LAMC1: variants seen among roughly 807,000 people sequenced by gnomAD.
LAMC1 encodes laminin subunit gamma-1.
Under a neutral mutation model 173.6 loss-of-function variants are expected in LAMC1, and 38 were observed. The ratio of observed to expected loss-of-function variants is 0.22; its 90% CI spans 0.17 to 0.29. The LOEUF is 0.29. Among genes scored for constraint, LAMC1 ranks in the 10% least tolerant of loss-of-function variants. The pLI, the probability that LAMC1 is intolerant of heterozygous loss-of-function variation, is 1.00. For missense variants in LAMC1, 1,824 were observed against 2,051.8 expected, an observed-to-expected ratio of 0.89 and a Z score of 2.14; for synonymous variants, 746 against 749.1, an observed-to-expected ratio of 1.00 and a Z score of 0.07.
chr1:183,042,491 G>T (rs957155727), intron 1 of LAMC1, among the ~76,000 whole-genome samples: 5 of 152,158 alleles, frequency 3.3e-5, no homozygotes. Context: ...GTGATGGATG[G>T]GTTGGTGGGG....
At chr1:183,131,428 GGT>G (rs55951405) in intron 20 of LAMC1, 50 bp downstream of exon 20, 20,561 of 943,328 alleles carry the variant, frequency 0.022, 18 homozygotes, top group Middle Eastern at 0.04. Flanking sequence ...TCTGTTATGG[GGT>G]GTGTGTGTGT....
chr1:183,132,465 C>G lies in LAMC1; in HGVS notation c.3632C>G (p.Ala1211Gly), dbSNP rs555810781. 3 of 1,612,758 alleles carry G rather than the reference C, an allele frequency of 1.9e-6. No homozygotes were observed. The South Asian group carries it at 3.3e-5, about 18-fold the overall frequency. ...ACAGCCAATGATACGTCAACTGAGG[C>G]ATACAACCTGCTTCTGAGGACACTG... ...AKTANDTSTE[A>G]YNLLLRTLAG... The change falls in exon 21 of 28, where the codon GCA (alanine) becomes GGA (glycine). Residue 1211 changes from alanine (A) to glycine (G), a missense_variant. Ala to Gly is a moderately conservative substitution (Grantham distance 60). Coordinates refer to ENST00000258341, the MANE Select transcript of LAMC1 (RefSeq NM_002293.4).
At chr1:183,081,075 G>T (rs1655261117) in intron 1 of LAMC1, among the ~76,000 whole-genome samples, 1 of 151,636 alleles carries the variant, frequency 6.6e-6, no homozygotes, top group Non-Finnish European at 1.5e-5. Context: ...TCTTAGTAGA[G>T]ATGGGATTTC....
chr1:183,028,303 G>A lies in LAMC1; in HGVS notation c.418+4169G>A, dbSNP rs140867958. Among the ~76,000 whole-genome samples, 255 of 152,060 alleles carry A rather than the reference G, an allele frequency of 1.7e-3. No individual in the cohort carries two copies. The East Asian group carries it at 0.025, about 15-fold the overall frequency. On this transcript the variant is annotated intron_variant, in intron 1 of 27. Coordinates refer to ENST00000258341, the MANE Select transcript of LAMC1 (RefSeq NM_002293.4). Reference sequence around the variant, plus strand: ...GTGCATACATTCTCATGTTATTGCCGGATATTCTGCAAACATTTTAAAAAA... The same window carrying A: ...GTGCATACATTCTCATGTTATTGCCAGATATTCTGCAAACATTTTAAAAAA...
At chr1:183,139,390 G>A (rs528880016) in intron 26 of LAMC1, among the ~76,000 whole-genome samples, 97 of 152,242 alleles carry the variant, frequency 6.4e-4, no homozygotes, top group African/African-American at 2.3e-3. Flanking sequence ...CATTCTTTTG[G>A]AAGAGGAGGC....
rs114366829 is a variant in LAMC1, at chr1:183,134,248, T to G, written c.3850-412T>G. On this transcript the variant is annotated intron_variant, in intron 22 of 27. Coordinates refer to ENST00000258341, the MANE Select transcript of LAMC1 (RefSeq NM_002293.4). The stretch of plus-strand genomic sequence containing the variant: ...TTTACCATAAAGGTTTAGGTCTCTT[T>G]AGATATGTACAGATTGTCTGATTCT... Among the ~76,000 whole-genome samples the G allele has an allele frequency of 4.5e-3, 683 of 152,352 alleles. 8 individuals carry two copies. The highest frequency in any genetic ancestry group is 0.016 in the African/African-American group (648 of 41,576).
chr1:183,105,897 T>G (rs886571945), intron 2 of LAMC1, among the ~76,000 whole-genome samples: 22 of 152,252 alleles, frequency 1.4e-4, no homozygotes, highest in African/African-American at 5.1e-4. Flanking sequence ...TTTCACCATA[T>G]TATAAGTATT....
At chr1:183,077,218 G>C (rs1424202117) in intron 1 of LAMC1, among the ~76,000 whole-genome samples, 1 of 152,148 alleles carries the variant, frequency 6.6e-6, no homozygotes, top group Non-Finnish European at 1.5e-5. Context: ...TTAGGGAAGT[G>C]ATTCCTTTGA....
rs937716787 is a variant in LAMC1, at chr1:183,143,516, A to T, written c.*726A>T. 6.6e-6 allele frequency: 1 copy of T among 152,634 alleles called. No individual in the cohort carries two copies. Among genetic ancestry groups the T allele is most frequent in the South Asian group, 2.1e-4 (1 of 4,828 alleles). The allele number at this position is 152,634 out of a possible 1,614,324, so 9.5% of individuals were successfully genotyped here. On this transcript the variant is annotated 3_prime_UTR_variant, in exon 28 of 28. Coordinates refer to ENST00000258341, the MANE Select transcript of LAMC1 (RefSeq NM_002293.4). ...TTTTTTTCAGATCTTTGGGCAGCTG[A>T]TAATTTAAATCTGGATGGGCAGCTT...
At chr1:183,096,779 G>C (rs187829820) in intron 1 of LAMC1, among the ~76,000 whole-genome samples, 2 of 151,250 alleles carry the variant, frequency 1.3e-5, no homozygotes, top group East Asian at 3.9e-4. Flanking sequence ...CGATTGACAA[G>C]GGGGAGGCCA....
chr1:183,138,530 G>A (rs2245784), intron 26 of LAMC1: 80,788 of 152,028 alleles, frequency 0.53, 21,960 homozygotes, highest in South Asian at 0.65. Context: ...AGAAGAGGCC[G>A]TCGTTCACTG....
At chr1:183,031,629 C>T (rs945322864) in intron 1 of LAMC1, among the ~76,000 whole-genome samples, 2 of 152,092 alleles carry the variant, frequency 1.3e-5, no homozygotes, top group Non-Finnish European at 2.9e-5. Flanking sequence ...TTCATTTTTC[C>T]TACTGGACTT....
At chr1:183,120,304 A>G (rs796841524) in intron 11 of LAMC1, among the ~76,000 whole-genome samples, 15 of 152,304 alleles carry the variant, frequency 9.8e-5, no homozygotes, top group African/African-American at 2.9e-4. Context: ...AGGAAAAGAC[A>G]TGGACTATAA....
chr1:183,060,773 G>A (rs1172103541), intron 1 of LAMC1, among the ~76,000 whole-genome samples: 1 of 152,202 alleles, frequency 6.6e-6, no homozygotes, highest in Admixed American at 6.5e-5. Flanking sequence ...CAGAAGTAGA[G>A]AAGTTATCTT....
intron 17 of LAMC1, among the ~76,000 whole-genome samples, chr1:183,128,076 C>T (rs930888433): frequency 6.6e-6 from 1 of 152,062 alleles, no homozygotes; most frequent in Non-Finnish European, 1.5e-5. Flanking sequence ...AAGGATGTGT[C>T]TTGGGTTTTT....
chr1:183,133,099 C>T (rs1487125942), intron 21 of LAMC1, among the ~76,000 whole-genome samples: 2 of 151,970 alleles, frequency 1.3e-5, no homozygotes, highest in Non-Finnish European at 2.9e-5. Flanking sequence ...TCAGTAGAGA[C>T]GGGGTTTCAC....
At chr1:183,092,337 A>T (rs1655585004) in intron 1 of LAMC1, among the ~76,000 whole-genome samples, 1 of 152,114 alleles carries the variant, frequency 6.6e-6, no homozygotes, top group African/African-American at 2.4e-5. Context: ...GTACATAAAA[A>T]TTGCCTATGG....
chr1:183,101,500 A>C (rs545102802), intron 1 of LAMC1, among the ~76,000 whole-genome samples: 2 of 151,706 alleles, frequency 1.3e-5, no homozygotes, highest in East Asian at 3.9e-4. Context: ...TACCAGGAAC[A>C]GTCAGGTCCT....
rs180844760 is a variant in LAMC1 at position 183,032,008 on chromosome 1, G to A, written c.418+7874G>A. On this transcript the variant is annotated intron_variant, in intron 1 of 27. Transcript: ENST00000258341. ...CTCCTTTCTTGTGATATAAAGTTAGGTGTTTGCTCATTTGGGTCTAAAATT... is the reference window on the plus strand; with the variant it reads ...CTCCTTTCTTGTGATATAAAGTTAGATGTTTGCTCATTTGGGTCTAAAATT... Among the ~76,000 whole-genome samples the A allele has an allele frequency of 2.0e-5, 3 of 152,232 alleles. No individual in the cohort carries two copies. In the East Asian group the frequency reaches 5.8e-4, roughly 29 times the overall value.
Sources: allele counts gnomAD v4.1 joint callset (sites outside exome capture counted in the v4.1 genomes callset), GRCh38; gene constraint gnomAD v4.1.1; transcripts MANE v1.5; gene names NCBI Gene and HGNC (gene_info 2026-07-23, HGNC 2026-07-21).